IQCH: variants seen among roughly 807,000 people sequenced by gnomAD.
IQCH encodes IQ motif containing H.
In IQCH, 98 loss-of-function variants were observed where a neutral mutation model predicts 117.0. That is an observed-to-expected ratio of 0.84 (90% CI 0.71 to 0.99). The LOEUF is 0.99. Among genes scored for constraint, IQCH ranks in the 50% least tolerant of loss-of-function variants. The pLI is 0.00. For synonymous variants in IQCH, 412 were observed against 448.2 expected (o/e 0.92, Z 1.02); for missense variants, 1,102 against 1,243.8 (o/e 0.89, Z 1.72).
At chr15:67,266,450 A>T (rs1421839151) in intron 3 of IQCH, among the ~76,000 whole-genome samples, 1 of 152,028 alleles carries the variant, frequency 6.6e-6, no homozygotes, top group Admixed American at 6.5e-5. Context: ...AGGTCAGGAG[A>T]TCAAGACCAT....
intron 4 of IQCH, chr15:67,306,708 A>C: frequency 1.3e-6 from 1 of 741,382 alleles, no homozygotes. Context: ...ATATCCTGTG[A>C]CTCTGTTATG....
Position 67,263,192 on chromosome 15 carries a change from T to A in IQCH, c.245T>A (p.Leu82Ter). ...ACGACTTCTGTTAATGATGAGAGCT[T>A]ATATACTCCCCAGGCTTCCAAATGG... is the stretch of plus-strand genomic sequence containing the variant. ...VLTTSVNDES[L>*]YTPQASKWLL... The change falls in exon 3 of 21, where the codon TTA becomes TAA. Residue 82 changes from leucine (L) to a stop codon, truncating the protein, a stop_gained. Coordinates refer to ENST00000335894, the MANE Select transcript of IQCH (RefSeq NM_001031715.3). LOFTEE classifies it high-confidence loss of function. 2 of 1,568,058 alleles carry A rather than the reference T, an allele frequency of 1.3e-6. No homozygotes were observed. Among genetic ancestry groups the A allele is most frequent in the Non-Finnish European group, 8.8e-7 (1 of 1,138,372 alleles).
In IQCH at chr15:67,375,879, C is replaced by T. The variant is rs185147974; in HGVS notation, c.1372+2446C>T. On this transcript the variant is annotated intron_variant, in intron 10 of 20. Transcript: ENST00000335894. ...TCGGCTCAGTGCATTCTCCGCCTCCCGGGTTCAAGCAATTCTCCTGCCTCA... is the reference window on the plus strand; with the variant it reads ...TCGGCTCAGTGCATTCTCCGCCTCCTGGGTTCAAGCAATTCTCCTGCCTCA... Among the ~76,000 whole-genome samples, 153 of 150,836 alleles carry T rather than the reference C, an allele frequency of 1.0e-3. 2 individuals are homozygous for T. In the South Asian group the frequency reaches 0.021, roughly 21 times the overall value.
intron 16 of IQCH, chr15:67,460,002 T>G (rs78859160): frequency 6.6e-6 from 1 of 151,958 alleles, no homozygotes; most frequent in Non-Finnish European, 1.5e-5. Context: ...AAAAAAAAAT[T>G]AGCAGGGTTT....
At chr15:67,346,343 G>A (rs79752312) in intron 6 of IQCH, among the ~76,000 whole-genome samples, 3,469 of 151,990 alleles carry the variant, frequency 0.023, 148 homozygotes, top group African/African-American at 0.081. Flanking sequence ...TAGAACAGTG[G>A]TCCCCAACCT....
Position 67,388,816 on chromosome 15 carries a change from G to C in IQCH, c.1457-15G>C. 1 of 1,606,664 alleles carries C rather than the reference G, an allele frequency of 6.2e-7. No homozygotes were observed. Among genetic ancestry groups the C allele is most frequent in the Non-Finnish European group, 8.5e-7 (1 of 1,173,534 alleles). ...CCTTCACACCAGTAATTAACATTGT[G>C]CCTGTTGTTTTTAGATGCCAATGTG... On this transcript the variant is annotated splice_polypyrimidine_tract_variant and intron_variant, in intron 11 of 20. Coordinates refer to ENST00000335894, the MANE Select transcript of IQCH (RefSeq NM_001031715.3). This position sits in a 1 kb window ranked among gnomAD's most constrained non-coding sequence, Gnocchi z 5.5.
At chr15:67,286,757 G>A (rs540551427) in intron 4 of IQCH, among the ~76,000 whole-genome samples, 4 of 151,920 alleles carry the variant, frequency 2.6e-5, no homozygotes, top group Admixed American at 6.6e-5. Context: ...TACAGGCGCA[G>A]GCCACCACAC....
At chr15:67,410,164 GT>G (rs2081411328) in intron 14 of IQCH, among the ~76,000 whole-genome samples, 2 of 152,204 alleles carry the variant, frequency 1.3e-5, no homozygotes, top group South Asian at 2.1e-4. Context: ...GGATACACAG[GT>G]TGATTCCCCC....
At chr15:67,409,918 A>G (rs1161829369) in intron 14 of IQCH, among the ~76,000 whole-genome samples, 2 of 152,242 alleles carry the variant, frequency 1.3e-5, no homozygotes, top group South Asian at 4.1e-4. Flanking sequence ...AACATGGAGT[A>G]TTAAAGCAGT....
In IQCH at chr15:67,413,085, G is replaced by T. The variant is rs967065655; in HGVS notation, c.2098-3846G>T. On this transcript the variant is annotated intron_variant, in intron 14 of 20. Transcript: ENST00000335894. This position sits in a 1 kb window ranked among gnomAD's most constrained non-coding sequence, Gnocchi z 5.0. ...TGTTATGGAAGGTGTGTGTGTGTGTGTGTGTGTGTGTGTGTCTGTGTGTAC... is the reference window on the plus strand; with the variant it reads ...TGTTATGGAAGGTGTGTGTGTGTGTTTGTGTGTGTGTGTGTCTGTGTGTAC... Among the ~76,000 whole-genome samples the T allele has an allele frequency of 1.3e-5, 2 of 152,006 alleles. No homozygotes were observed. The highest frequency in any genetic ancestry group is 4.8e-5 in the African/African-American group (2 of 41,362).
intron 8 of IQCH, among the ~76,000 whole-genome samples, chr15:67,363,374 T>G (rs558452980): frequency 4.0e-5 from 6 of 151,838 alleles, no homozygotes; most frequent in African/African-American, 1.4e-4. Flanking sequence ...TAAGTGGGAC[T>G]AGAGGCGTGC....
At chr15:67,495,314 A>C (rs553085272) in intron 20 of IQCH, among the ~76,000 whole-genome samples, 1 of 152,336 alleles carries the variant, frequency 6.6e-6, no homozygotes, top group South Asian at 2.1e-4. Context: ...ACCAAATGTT[A>C]CATCAGTGTT....
chr15:67,333,867 G>A (rs1968777149), intron 4 of IQCH, among the ~76,000 whole-genome samples: 1 of 151,996 alleles, frequency 6.6e-6, no homozygotes, highest in African/African-American at 2.4e-5. Flanking sequence ...GACTAGCCTG[G>A]GCAACATAGC....
chr15:67,409,797 T>G (rs1050314848), intron 14 of IQCH, among the ~76,000 whole-genome samples: 1 of 152,236 alleles, frequency 6.6e-6, no homozygotes, highest in African/African-American at 2.4e-5. Flanking sequence ...TTTGTGTGCC[T>G]TGGTAATGTT....
chr15:67,398,351 A>T (rs1971534833), intron 13 of IQCH, among the ~76,000 whole-genome samples: 1 of 152,214 alleles, frequency 6.6e-6, no homozygotes, highest in East Asian at 1.9e-4. Context: ...ACATTAGAGA[A>T]ATAAGGAAAC....
At position 67,430,281 on chromosome 15, in the gene IQCH, C is replaced by T. The variant is rs1469081397; in HGVS notation, c.2505+8704C>T. Reference sequence around the variant, plus strand: ...TCCTGGAGCCAGGATCAATGATAAACAGTATCTAGTAGGTTCTAGGAGGGA... The same window carrying T: ...TCCTGGAGCCAGGATCAATGATAAATAGTATCTAGTAGGTTCTAGGAGGGA... On this transcript the variant is annotated intron_variant, in intron 16 of 20. Transcript: ENST00000335894. The surrounding 1 kb of genome is among the most constrained non-coding windows in gnomAD (Gnocchi z 5.1). 4 of 152,048 alleles carry T rather than the reference C, an allele frequency of 2.6e-5. No individual in the cohort carries two copies. The highest frequency in any genetic ancestry group is 4.4e-5 in the Non-Finnish European group (3 of 68,020). 9.4% of individuals were successfully genotyped at this position (152,048 alleles called of 1,614,324 possible).
chr15:67,475,155 A>C lies in IQCH; in HGVS notation c.2677-541A>C, dbSNP rs1454836109. Among the ~76,000 whole-genome samples the C allele has an allele frequency of 6.6e-6, 1 of 152,144 alleles. No homozygotes were observed. The highest frequency in any genetic ancestry group is 2.4e-5 in the African/African-American group (1 of 41,446). On this transcript the variant is annotated intron_variant, in intron 17 of 20. Coordinates refer to ENST00000335894, the MANE Select transcript of IQCH (RefSeq NM_001031715.3). The surrounding 1 kb of genome is among the most constrained non-coding windows in gnomAD (Gnocchi z 5.7). ...AAAGGAATTAGGGAAAAACTAATGA[A>C]ATAGAAATAAAGTATGGATTTATGT...
At position 67,381,822 on chromosome 15, in the gene IQCH, A is replaced by T. The variant is rs984558087; in HGVS notation, c.1373-3114A>T. On this transcript the variant is annotated intron_variant, in intron 10 of 20. Coordinates refer to ENST00000335894, the MANE Select transcript of IQCH (RefSeq NM_001031715.3). This position sits in a 1 kb window ranked among gnomAD's most constrained non-coding sequence, Gnocchi z 5.1. ...ATGGCGAAACCCTGGCTCTACAAAA[A>T]TTACAAAAATTAGCCAGGTGTGGTA... Among the ~76,000 whole-genome samples the T allele has an allele frequency of 6.6e-6, 1 of 152,026 alleles. No individual in the cohort carries two copies. The highest frequency in any genetic ancestry group is 1.5e-5 in the Non-Finnish European group (1 of 67,990).
At chr15:67,420,435 A>C (rs2081706688) in intron 15 of IQCH, among the ~76,000 whole-genome samples, 1 of 152,228 alleles carries the variant, frequency 6.6e-6, no homozygotes, top group Non-Finnish European at 1.5e-5. Flanking sequence ...CTATCTATGG[A>C]ACACTTTGTT....
Sources: gnomAD v4.1 joint callset for allele counts (sites outside exome capture counted in the v4.1 genomes callset) on GRCh38, gnomAD v4.1.1 for gene constraint, Gnocchi (gnomAD v3.1) non-coding constraint, MANE v1.5 for transcripts, NCBI Gene and HGNC (gene_info 2026-07-23, HGNC 2026-07-21) for gene names.